Variants in RIF1 observed in about 807,000 individuals in gnomAD.
RIF1 encodes the protein replication timing regulatory factor 1.
In RIF1, 45 loss-of-function variants were observed where a neutral mutation model predicts 247.1. That is an observed-to-expected ratio of 0.18 (90% CI 0.14 to 0.23). The LOEUF (loss-of-function observed/expected upper bound fraction) is 0.23. Ranked by LOEUF, RIF1 falls within the 10% of genes least tolerant of loss-of-function variation. The probability of loss-of-function intolerance (pLI) is 1.00; values close to 1 mark genes in which losing one functional copy is unlikely to be tolerated. For missense variants in RIF1, 2,967 were observed against 2,862.5 expected (o/e 1.04, Z -0.83); for synonymous variants, 1,087 against 978.8 (o/e 1.11, Z -2.06).
chr2:151,507,961 C>T, exon 14 of RIF1: 1 of 1,416,336 alleles, frequency 7.1e-7, no homozygotes, highest in Non-Finnish European at 9.8e-7. Flanking sequence ...CCTCAGCACC[C>T]CTAGGTGCCT....
chr2:151,518,392 T>C, the RIF1 span: 2 of 1,611,338 alleles, frequency 1.2e-6, no homozygotes, highest in Non-Finnish European at 1.7e-6. Context: ...TAGTGGCCTT[T>C]ACTCTTCTCA....
chr2:151,465,550 A>C lies in RIF1; in HGVS notation c.6030A>C (p.Ser2010=). ...DGGNDVSDLH[S]SEETNTKMKN... Reference sequence around the variant, plus strand: ...GAAATGATGTATCTGATCTACACTCATCTGAAGAAACGAATACCAAAATGA... The same window carrying C: ...GAAATGATGTATCTGATCTACACTCCTCTGAAGAAACGAATACCAAAATGA... The change falls in exon 30 of 36, where the codon TCA becomes TCC. Residue 2010 remains serine, a synonymous_variant. Transcript: ENST00000444746. 1 of 1,614,022 alleles carries C rather than the reference A, an allele frequency of 6.2e-7. No homozygotes were observed. Among genetic ancestry groups the C allele is most frequent in the Non-Finnish European group, 8.5e-7 (1 of 1,179,962 alleles).
Position 151,464,142 on chromosome 2 carries a change from C to T in RIF1, c.4622C>T (p.Ala1541Val). Residue 1541 changes from alanine to valine, a missense_variant, in exon 30 of 36, where the codon GCA becomes GTA. Physicochemically the swap from Ala to Val is moderately conservative, Grantham distance 64. This residue lies in a region of RIF1 where 2,028 missense variants were observed against 1,825.6 expected (regional missense o/e 1.11). Transcript: ENST00000444746. Reference sequence around the variant, plus strand: ...CGAACACGGTATCAAACTAGAAGAGCATCTCAGGGTTTGCTTTCCAGCATT... The same window carrying T: ...CGAACACGGTATCAAACTAGAAGAGTATCTCAGGGTTTGCTTTCCAGCATT... ...RGRTRYQTRR[A>V]SQGLLSSIEN... The T allele has an allele frequency of 6.2e-7, 1 of 1,610,100 alleles. No homozygotes were observed.
intron 9 of RIF1, chr2:151,491,594 G>T: frequency 1.8e-6 from 2 of 1,107,966 alleles, no homozygotes; most frequent in Non-Finnish European, 2.7e-6. Flanking sequence ...ACTCTGGAGG[G>T]AAGGAACTTC....
At chr2:151,511,443 T>C (rs1376598294), downstream of RIF1, among the ~76,000 whole-genome samples, 1 of 152,194 alleles carries the variant, frequency 6.6e-6, no homozygotes, top group Non-Finnish European at 1.5e-5. Flanking sequence ...ACCTGATTGG[T>C]CATTAAGAGA....
chr2:151,413,094 G>A (rs1271728383), intron 3 of RIF1, among the ~76,000 whole-genome samples: 1 of 150,862 alleles, frequency 6.6e-6, no homozygotes, highest in East Asian at 2.0e-4. Context: ...TGCCCAGGCT[G>A]GAGTGCAATG....
chr2:151,498,141 A>T, intron 10 of RIF1: 1 of 1,527,432 alleles, frequency 6.5e-7, no homozygotes. Context: ...ATCCTTTTGT[A>T]ATATAAGATG....
chr2:151,423,189 A>T (rs1688461354), intron 8 of RIF1, 147 bp downstream of exon 8: 1 of 591,804 alleles, frequency 1.7e-6, no homozygotes, highest in African/African-American at 2.0e-5. Context: ...ATTTATTTGT[A>T]AATCTGAAAC....
intron 20 of RIF1, among the ~76,000 whole-genome samples, chr2:151,450,386 T>G (rs1056161315): frequency 2.6e-5 from 4 of 152,198 alleles, no homozygotes; most frequent in Admixed American, 1.3e-4. Context: ...TCCCTGATTA[T>G]GAATTTGCTG....
the RIF1 span, chr2:151,526,949 A>T: frequency 6.2e-7 from 1 of 1,602,348 alleles, no homozygotes. Flanking sequence ...CCTGAGGGCG[A>T]GCACCGTGTT....
In RIF1 at chr2:151,465,436, T is replaced by G. The variant is rs1696750181; in HGVS notation, c.5916T>G (p.Asp1972Glu). Residue 1972 changes from aspartate to glutamate, a missense_variant, in exon 30 of 36, where the codon GAT becomes GAG. This residue lies in a region of RIF1 where 2,028 missense variants were observed against 1,825.6 expected (regional missense o/e 1.11). Transcript: ENST00000444746. The part of the protein sequence containing the change: ...KEVATEEFNS[D>E]ISLSDNTTPV... Reference sequence around the variant, plus strand: ...TAGCAACTGAGGAATTTAATTCAGATATTAGTCTTTCTGATAATACTACAC... The same window carrying G: ...TAGCAACTGAGGAATTTAATTCAGAGATTAGTCTTTCTGATAATACTACAC... The G allele has an allele frequency of 6.2e-7, 1 of 1,613,824 alleles. No homozygotes were observed. Among genetic ancestry groups the G allele is most frequent in the Non-Finnish European group, 8.5e-7 (1 of 1,179,872 alleles).
intron 12 of RIF1, chr2:151,505,404 A>G: frequency 7.9e-7 from 1 of 1,263,912 alleles, no homozygotes. Flanking sequence ...GGAAGCAGAA[A>G]GATGAGAGAG....
intron 7 of RIF1, among the ~76,000 whole-genome samples, chr2:151,421,597 A>G (rs1558939660): frequency 6.6e-6 from 1 of 152,166 alleles, no homozygotes; most frequent in African/African-American, 2.4e-5. Context: ...TTTGTTTGAG[A>G]CAAGGTCTCA....
intron 7 of RIF1, among the ~76,000 whole-genome samples, chr2:151,421,270 T>G (rs1688123060): frequency 5.3e-5 from 8 of 151,542 alleles, no homozygotes. Context: ...GACCGGAGAG[T>G]GCTGTGAGAA....
chr2:151,469,531 C>T (rs191165470), intron 33 of RIF1, among the ~76,000 whole-genome samples, 180 bp from the exon 34 acceptor site: 5 of 152,208 alleles, frequency 3.3e-5, no homozygotes, highest in South Asian at 2.1e-4. Context: ...GTTGCTTATA[C>T]CAGACATACA....
chr2:151,438,380 A>T (rs1573991017), intron 13 of RIF1, among the ~76,000 whole-genome samples: 1 of 152,162 alleles, frequency 6.6e-6, no homozygotes, highest in East Asian at 1.9e-4. Context: ...TGGGAGGCTG[A>T]TGTGGGAAGA....
chr2:151,491,565 G>T, intron 9 of RIF1: 1 of 833,216 alleles, frequency 1.2e-6, no homozygotes, highest in Non-Finnish European at 2.0e-6. Context: ...TGCCAAATGG[G>T]CAGCTCAGAA....
chr2:151,493,856 T>C, intron 9 of RIF1: 1 of 1,564,758 alleles, frequency 6.4e-7, no homozygotes, highest in Non-Finnish European at 8.7e-7. Flanking sequence ...CCAGGTTCTC[T>C]TTGTATAACA....
the RIF1 span, among the ~76,000 whole-genome samples, chr2:151,521,343 G>A: frequency 6.6e-6 from 1 of 152,172 alleles, no homozygotes; most frequent in African/African-American, 2.4e-5. Flanking sequence ...GACACACAAA[G>A]TAAAGGAAAA....
Sources: allele counts gnomAD v4.1 joint callset (sites outside exome capture counted in the v4.1 genomes callset), GRCh38; gene constraint gnomAD v4.1.1; regional missense constraint gnomAD v4.1.1; transcripts MANE v1.5; gene names NCBI Gene and HGNC (gene_info 2026-07-23, HGNC 2026-07-21).